Variants in AGBL1 observed in about 807,000 individuals in gnomAD.
AGBL1 encodes AGBL carboxypeptidase 1.
Under a neutral mutation model 118.9 loss-of-function variants are expected in AGBL1, and 130 were observed. The ratio of observed to expected loss-of-function variants is 1.09; its 90% CI spans 0.95 to 1.26. The LOEUF (loss-of-function observed/expected upper bound fraction) is 1.26. AGBL1 is among the 50% of genes most tolerant of loss of function. The pLI is 0.00. For synonymous variants in AGBL1, 555 were observed against 478.9 expected (o/e 1.16, Z -2.08); for missense variants, 1,584 against 1,298.1 (o/e 1.22, Z -3.38).
chr15:86,349,584 T>G (rs138174572), intron 17 of AGBL1, among the ~76,000 whole-genome samples: 3 of 152,352 alleles, frequency 2.0e-5, no homozygotes, highest in East Asian at 3.9e-4. Context: ...TTAATTGATA[T>G]GTACATAGTA....
At chr15:86,953,766 G>A (rs2080903140) in intron 23 of AGBL1, among the ~76,000 whole-genome samples, 1 of 152,086 alleles carries the variant, frequency 6.6e-6, no homozygotes, top group Non-Finnish European at 1.5e-5. Context: ...TTTGTACACT[G>A]ATTTTGTATC....
intron 1 of AGBL1, among the ~76,000 whole-genome samples, chr15:86,098,132 A>G (rs1479051867): frequency 1.3e-5 from 2 of 151,930 alleles, no homozygotes; most frequent in Non-Finnish European, 2.9e-5. Flanking sequence ...AGGAATGTTT[A>G]TTCAAACCCT....
At chr15:86,633,753 A>C (rs1193075423) in intron 21 of AGBL1, among the ~76,000 whole-genome samples, 1 of 148,736 alleles carries the variant, frequency 6.7e-6, no homozygotes, top group Non-Finnish European at 1.5e-5. Context: ...TATACACAGT[A>C]ATATGTATAA....
chr15:86,875,569 A>G (rs1310255980), intron 22 of AGBL1, among the ~76,000 whole-genome samples: 1 of 152,226 alleles, frequency 6.6e-6, no homozygotes, highest in Admixed American at 6.5e-5. Flanking sequence ...AGCTATAGCC[A>G]TAATATTAAA....
At chr15:86,133,820 A>C (rs189038234) in intron 1 of AGBL1, among the ~76,000 whole-genome samples, 3 of 152,192 alleles carry the variant, frequency 2.0e-5, no homozygotes, top group African/African-American at 7.2e-5. Flanking sequence ...CCAGTCAGAA[A>C]ATAGTATATG....
intron 17 of AGBL1, among the ~76,000 whole-genome samples, chr15:86,326,609 G>T (rs1450910770): frequency 6.6e-6 from 1 of 152,148 alleles, no homozygotes; most frequent in Non-Finnish European, 1.5e-5. Context: ...ATACTTGATT[G>T]TTAAGGGAAA....
chr15:86,196,615 T>G (rs1398423811), intron 5 of AGBL1, among the ~76,000 whole-genome samples: 1 of 152,052 alleles, frequency 6.6e-6, no homozygotes, highest in East Asian at 1.9e-4. Context: ...TGGGATTAAG[T>G]GTCAAGTAGA....
At chr15:86,279,478 T>C (rs2079311767) in intron 15 of AGBL1, among the ~76,000 whole-genome samples, 161 bp from the exon 16 acceptor site, 1 of 152,168 alleles carries the variant, frequency 6.6e-6, no homozygotes, top group Non-Finnish European at 1.5e-5. Context: ...CTTGTACATT[T>C]CCCTTTTCTC....
At chr15:86,426,971 G>A (rs889714694) in intron 18 of AGBL1, among the ~76,000 whole-genome samples, 1 of 152,082 alleles carries the variant, frequency 6.6e-6, no homozygotes, top group Non-Finnish European at 1.5e-5. Flanking sequence ...TTGCCCTGTT[G>A]ACCAGGCTGG....
At chr15:86,374,961 G>C (rs1340931089) in intron 17 of AGBL1, among the ~76,000 whole-genome samples, 1 of 152,202 alleles carries the variant, frequency 6.6e-6, no homozygotes, top group African/African-American at 2.4e-5. Context: ...CTTAGTCAAT[G>C]ATGGATACAT....
rs971136949 is a variant in AGBL1, at chr15:86,749,020, G to A, written c.3158+74584G>A. Among the ~76,000 whole-genome samples the A allele has an allele frequency of 5.9e-5, 9 of 151,992 alleles. No individual in the cohort carries two copies. In the South Asian group the frequency reaches 6.3e-4, roughly 11 times the overall value. Reference sequence around the variant, plus strand: ...TCTTTTTTGGTTCCATATGAACTTTGAAGTAGTTTTTTCCAATTCTGTGAA... The same window carrying A: ...TCTTTTTTGGTTCCATATGAACTTTAAAGTAGTTTTTTCCAATTCTGTGAA... On this transcript the variant is annotated intron_variant, in intron 22 of 22. Transcript: ENST00000614907.
Position 86,269,965 on chromosome 15 carries a change from C to T in AGBL1, c.1885C>T (p.His629Tyr). Residue 629 changes from histidine to tyrosine, a missense_variant, in exon 14 of 23, where the codon CAC becomes TAC. His to Tyr is a moderately conservative substitution (Grantham distance 83). Transcript: ENST00000614907. Reference sequence around the variant, plus strand: ...CAACGCAGATGTGAATAGCACCCAGCACCAGCAGTGGTTCTATTTCAAAGT... The same window carrying T: ...CAACGCAGATGTGAATAGCACCCAGTACCAGCAGTGGTTCTATTTCAAAGT... ...LVNADVNSTQ[H>Y]QQWFYFKVSG... 1.9e-6 allele frequency: 3 copies of T among 1,613,948 alleles called. No homozygotes were observed. Among genetic ancestry groups the T allele is most frequent in the African/African-American group, 1.3e-5 (1 of 75,062 alleles).
chr15:86,243,082 C>A (rs1051569909), intron 6 of AGBL1, among the ~76,000 whole-genome samples: 1 of 152,200 alleles, frequency 6.6e-6, no homozygotes, highest in African/African-American at 2.4e-5. Flanking sequence ...TTCTCACTTG[C>A]CTTGACAACA....
At chr15:86,201,132 A>T (rs895250312) in intron 5 of AGBL1, among the ~76,000 whole-genome samples, 4 of 152,172 alleles carry the variant, frequency 2.6e-5, no homozygotes, top group African/African-American at 9.7e-5. Flanking sequence ...TATTACCATT[A>T]TACTCTACTT....
At chr15:86,162,168 A>G (rs1393579811) in intron 5 of AGBL1, among the ~76,000 whole-genome samples, 1 of 152,054 alleles carries the variant, frequency 6.6e-6, no homozygotes, top group Admixed American at 6.6e-5. Flanking sequence ...GGTTGACAGA[A>G]CCTGTGGGCT....
chr15:86,209,598 G>C (rs1024402157), intron 5 of AGBL1, among the ~76,000 whole-genome samples: 4 of 151,978 alleles, frequency 2.6e-5, no homozygotes, highest in Admixed American at 2.6e-4. Flanking sequence ...GATCTTTGTT[G>C]GTTTAAAGTC....
intron 22 of AGBL1, among the ~76,000 whole-genome samples, chr15:86,858,446 G>A (rs898947281): frequency 2.0e-5 from 3 of 147,780 alleles, no homozygotes; most frequent in Non-Finnish European, 4.4e-5. Context: ...GCAGTTCTCA[G>A]TTCACACCTT....
intron 11 of AGBL1, among the ~76,000 whole-genome samples, chr15:86,265,381 A>G (rs1317227523): frequency 6.6e-6 from 1 of 152,194 alleles, no homozygotes; most frequent in Admixed American, 6.5e-5. Flanking sequence ...TCCAGGGAAG[A>G]AACACTGGTT....
At chr15:86,404,163 C>A (rs1249640603) in intron 18 of AGBL1, among the ~76,000 whole-genome samples, 1 of 152,144 alleles carries the variant, frequency 6.6e-6, no homozygotes, top group African/African-American at 2.4e-5. Context: ...ATCTTCATAT[C>A]CAGGGTGCCT....
Sources: gnomAD v4.1 joint callset for allele counts (sites outside exome capture counted in the v4.1 genomes callset) on GRCh38, gnomAD v4.1.1 for gene constraint, MANE v1.5 for transcripts, NCBI Gene and HGNC (gene_info 2026-07-23, HGNC 2026-07-21) for gene names.